MCF2L: variants seen among roughly 807,000 people sequenced by gnomAD.
MCF2L encodes the protein guanine nucleotide exchange factor DBS.
In MCF2L, 97 loss-of-function variants were observed where a neutral mutation model predicts 153.4. The observed-to-expected ratio is 0.63, with a 90% CI of 0.54 to 0.75. The LOEUF is 0.75. Among genes scored for constraint, MCF2L ranks in the 30% least tolerant of loss-of-function variants. The pLI is 0.00. For missense variants in MCF2L, 1,347 were observed against 1,495.2 expected (o/e 0.90, Z 1.64); for synonymous variants, 659 against 632.2 (o/e 1.04, Z -0.64).
intron 2 of MCF2L, among the ~76,000 whole-genome samples, chr13:112,925,144 T>C (rs1399169793): frequency 6.6e-6 from 1 of 152,228 alleles, no homozygotes; most frequent in Non-Finnish European, 1.5e-5. Flanking sequence ...CATATGAGAA[T>C]GTGGTTGGCA....
At position 113,096,769 on chromosome 13, in the gene MCF2L, C is replaced by T. The variant is rs1169818598; in HGVS notation, c.3293-5C>T. ...GAAGCCCGTCCCCGCCTGATCTCCC[C>T]GCAGAGTCGAGCCCGGGGTCGGCCG... On this transcript the variant is annotated splice_polypyrimidine_tract_variant and splice_region_variant and intron_variant, in intron 29 of 29. Coordinates refer to ENST00000535094, the MANE Select transcript of MCF2L (RefSeq NM_001112732.3). 3 of 1,566,018 alleles carry T rather than the reference C, an allele frequency of 1.9e-6. No individual in the cohort carries two copies. Among genetic ancestry groups the T allele is most frequent in the African/African-American group, 1.4e-5 (1 of 72,052 alleles).
intron 2 of MCF2L, among the ~76,000 whole-genome samples, chr13:112,909,061 G>C (rs55921068): frequency 0.033 from 5,086 of 152,276 alleles, 287 homozygotes; most frequent in African/African-American, 0.12. Context: ...CGGCTTTGCC[G>C]AGGGGATGAT....
At chr13:113,083,322 C>T (rs577938862) in intron 17 of MCF2L, among the ~76,000 whole-genome samples, 3 of 152,264 alleles carry the variant, frequency 2.0e-5, no homozygotes, top group Non-Finnish European at 2.9e-5. Flanking sequence ...TGTTTCTTGC[C>T]CTCTCATCAC....
Position 112,979,347 on chromosome 13 carries a change from G to A in MCF2L, c.79+9889G>A, listed in dbSNP as rs190395108. 62 of 1,276,048 alleles carry A rather than the reference G, an allele frequency of 4.9e-5. No individual in the cohort carries two copies. The Admixed American group carries it at 1.8e-3, about 38-fold the overall frequency. 79.0% of individuals were successfully genotyped at this position (1,276,048 alleles called of 1,614,324 possible). Reference sequence around the variant, plus strand: ...CACAGCAGGCAGGCCCAGCGGCTGGGTTTCTCTAGCACCTCGGCATTGTCT... The same window carrying A: ...CACAGCAGGCAGGCCCAGCGGCTGGATTTCTCTAGCACCTCGGCATTGTCT... On this transcript the variant is annotated intron_variant, in intron 1 of 29. Coordinates refer to ENST00000535094, the MANE Select transcript of MCF2L (RefSeq NM_001112732.3).
intron 1 of MCF2L, among the ~76,000 whole-genome samples, chr13:112,997,917 G>C (rs1004991639): frequency 6.6e-6 from 1 of 152,242 alleles, no homozygotes; most frequent in Non-Finnish European, 1.5e-5. Context: ...AACTGATTGG[G>C]ACAGGGCAGG....
Position 112,894,627 on chromosome 13 carries a change from C to T in MCF2L, c.-5+196C>T, listed in dbSNP as rs111604939. Among the ~76,000 whole-genome samples, 3 of 152,224 alleles carry T rather than the reference C, an allele frequency of 2.0e-5. No individual in the cohort carries two copies. In the East Asian group the frequency reaches 5.8e-4, roughly 30 times the overall value. ...TGGGATCGGCCCCCGCGGCCCCTGCCCAGCGTCCTGCGCTGGGAACTTCGA... is the reference window on the plus strand; with the variant it reads ...TGGGATCGGCCCCCGCGGCCCCTGCTCAGCGTCCTGCGCTGGGAACTTCGA... On this transcript the variant is annotated intron_variant, in intron 1 of 29. Coordinates refer to the MCF2L transcript ENST00000375608.
At chr13:112,906,920 C>G (rs985011588) in intron 2 of MCF2L, among the ~76,000 whole-genome samples, 1 of 152,182 alleles carries the variant, frequency 6.6e-6, no homozygotes, top group Non-Finnish European at 1.5e-5. Context: ...TCACACTGTT[C>G]AGGTGCTGGG....
intron 4 of MCF2L, among the ~76,000 whole-genome samples, chr13:113,057,331 TGCTGAGTGGGTGCTGTGTGGGC>T (rs987462267): frequency 7.0e-6 from 1 of 143,102 alleles, no homozygotes; most frequent in Non-Finnish European, 1.5e-5. Context: ...ACTGAGTGGG[TGCTGAGTGGGTGCTGTGTGGGC>T]GCTGAGTGTT....
chr13:112,916,971 G>A (rs1180946953), intron 2 of MCF2L: 4 of 434,982 alleles, frequency 9.2e-6, no homozygotes, highest in African/African-American at 2.0e-5. Flanking sequence ...CCCCACACTG[G>A]TCTGTGTCCC....
chr13:113,048,584 G>A (rs935903059), intron 4 of MCF2L, among the ~76,000 whole-genome samples: 2 of 152,068 alleles, frequency 1.3e-5, no homozygotes, highest in Admixed American at 6.5e-5. Flanking sequence ...TGGGACTACA[G>A]GCACCTGCCA....
intron 27 of MCF2L, chr13:113,095,239 T>C (rs1281141430): frequency 8.2e-7 from 1 of 1,212,756 alleles, no homozygotes; most frequent in Non-Finnish European, 1.1e-6. Context: ...GCACCTTCTG[T>C]GCTGTGCGTG....
upstream of MCF2L, among the ~76,000 whole-genome samples, chr13:112,966,636 G>A (rs970097237): frequency 6.6e-6 from 1 of 152,156 alleles, no homozygotes; most frequent in Non-Finnish European, 1.5e-5. This position sits in a 1 kb window ranked among gnomAD's most constrained non-coding sequence, Gnocchi z 4.1. Flanking sequence ...ATGACATGGT[G>A]CCAGCCAGAG....
rs147776800 is a variant in MCF2L at position 112,974,400 on chromosome 13, G to A, written c.79+4942G>A. On this transcript the variant is annotated intron_variant, in intron 1 of 29. Coordinates refer to ENST00000535094, the MANE Select transcript of MCF2L (RefSeq NM_001112732.3). ...CCTCTGAGTCCATGAAGCCCCCGGC[G>A]TGGCCAACCTCATTGGATGAGTTTG... 4.4e-3 allele frequency among the ~76,000 whole-genome samples: 664 copies of A among 152,278 alleles called. 4 individuals carry two copies. The highest frequency in any genetic ancestry group is 0.015 in the African/African-American group (632 of 41,562).
chr13:113,032,366 A>C (rs2085779063), intron 3 of MCF2L, among the ~76,000 whole-genome samples: 1 of 152,216 alleles, frequency 6.6e-6, no homozygotes, highest in Non-Finnish European at 1.5e-5. Flanking sequence ...GTGTGCATTA[A>C]AAAGTGAAGC....
chr13:112,931,867 CA>C (rs1262749636), intron 2 of MCF2L, among the ~76,000 whole-genome samples: 1 of 152,166 alleles, frequency 6.6e-6, no homozygotes, highest in Non-Finnish European at 1.5e-5. Context: ...ATGACCAAAG[CA>C]GAACAATTTG....
Position 112,991,319 on chromosome 13 carries a change from G to A in MCF2L, c.79+21861G>A, listed in dbSNP as rs556511081. On this transcript the variant is annotated intron_variant, in intron 1 of 29. Coordinates refer to ENST00000535094, the MANE Select transcript of MCF2L (RefSeq NM_001112732.3). ...GGGGGCGTCTCCCAGGACCTGATTT[G>A]CTGTGTTTTGGGGGGCATCTCCCAG... Among the ~76,000 whole-genome samples, 4 of 146,938 alleles carry A rather than the reference G, an allele frequency of 2.7e-5. No individual in the cohort carries two copies. In the South Asian group the frequency reaches 6.6e-4, roughly 24 times the overall value.
At chr13:112,978,217 T>A (rs1423213071) in intron 1 of MCF2L, among the ~76,000 whole-genome samples, 1 of 152,160 alleles carries the variant, frequency 6.6e-6, no homozygotes, top group African/African-American at 2.4e-5. Flanking sequence ...CAAAACGGGG[T>A]TCGTGGTCTC....
chr13:112,908,982 C>T (rs1263154805), intron 2 of MCF2L, among the ~76,000 whole-genome samples: 1 of 152,146 alleles, frequency 6.6e-6, no homozygotes, highest in East Asian at 1.9e-4. Context: ...CCTCAGCCTC[C>T]CAAAGCACTG....
intron 2 of MCF2L, among the ~76,000 whole-genome samples, chr13:113,021,018 G>A (rs1225654107): frequency 6.7e-6 from 1 of 149,562 alleles, no homozygotes; most frequent in African/African-American, 2.5e-5. Flanking sequence ...TATCTGTATG[G>A]TAGCTGTGTA....
Sources: allele counts gnomAD v4.1 joint callset (sites outside exome capture counted in the v4.1 genomes callset), GRCh38; gene constraint gnomAD v4.1.1; non-coding constraint Gnocchi (gnomAD v3.1); transcripts MANE v1.5; gene names NCBI Gene and HGNC (gene_info 2026-07-23, HGNC 2026-07-21).